ASAH1: variants seen among roughly 807,000 people sequenced by gnomAD.
ASAH1 encodes the protein acid ceramidase.
ASAH1 carries 70 observed loss-of-function variants against 59.5 expected under a neutral mutation model. The ratio of observed to expected loss-of-function variants is 1.18; its 90% CI spans 0.97 to 1.43. ASAH1 has a LOEUF of 1.43. Ranked by LOEUF, ASAH1 falls within the 40% of genes most tolerant of loss-of-function variation. ASAH1 has a pLI of 0.00. For missense variants in ASAH1, 660 were observed against 482.5 expected (o/e 1.37, Z -3.45); for synonymous variants, 213 against 166.5 (o/e 1.28, Z -2.15).
At chr8:18,061,510 C>T in intron 9 of ASAH1, 52 bp from the exon 10 acceptor site, 2 of 1,509,568 alleles carry the variant, frequency 1.3e-6, no homozygotes, top group South Asian at 2.3e-5. Flanking sequence ...CACTATGTAA[C>T]CAGTCAGGAC....
intron 5 of ASAH1, chr8:18,065,308 A>T (rs947342727): frequency 2.6e-5 from 4 of 152,146 alleles, no homozygotes; most frequent in Non-Finnish European, 5.9e-5. Context: ...TTTACATAAT[A>T]AAGGAATTAG....
Position 18,058,869 on chromosome 8 carries a change from T to C in ASAH1, c.1064A>G (p.Tyr355Cys), listed in dbSNP as rs1799574144. Residue 355 changes from tyrosine to cysteine, a missense_variant, in exon 13 of 14, where the codon TAT becomes TGT. Transcript: ENST00000637790. ...SQENISFETMYDVLSTKPVLN... is the reference protein window; with the variant it reads ...SQENISFETMCDVLSTKPVLN... ...GACAGGTTTTGTTGACAGGACATCA[T>C]ACATGGTTTCAAATGAGATATTCTA... The C allele has an allele frequency of 6.2e-7, 1 of 1,612,714 alleles. No individual in the cohort carries two copies. Among genetic ancestry groups the C allele is most frequent in the Non-Finnish European group, 8.5e-7 (1 of 1,178,690 alleles).
rs1009154581 is a variant in ASAH1 at position 18,063,222 on chromosome 8, T to C, written c.466A>G (p.Ile156Val). The C allele has an allele frequency of 1.9e-6, 3 of 1,613,608 alleles. No individual in the cohort carries two copies. The Admixed American group carries it at 5.0e-5, about 27-fold the overall frequency. The change falls in exon 7 of 14, where the codon ATA (isoleucine) becomes GTA (valine). Residue 156 changes from isoleucine (I) to valine (V), a missense_variant. Transcript: ENST00000637790. Reference protein sequence around the residue: ...IVAEDKKGHLIHGRNMDFGVF... With the variant: ...IVAEDKKGHLVHGRNMDFGVF... ...CCAAAATCCATGTTTCTCCCATGTA[T>C]TAGATGACCTATTTGAAGGTAGACA...
chr8:18,071,932 C>A (rs929917327), intron 2 of ASAH1, among the ~76,000 whole-genome samples: 1 of 152,198 alleles, frequency 6.6e-6, no homozygotes, highest in Non-Finnish European at 1.5e-5. Flanking sequence ...CCATCCTAAT[C>A]TTCCCTACTA....
intron 1 of ASAH1, among the ~76,000 whole-genome samples, chr8:18,080,411 T>C (rs1800603393): frequency 6.6e-6 from 1 of 152,172 alleles, no homozygotes; most frequent in African/African-American, 2.4e-5. Context: ...CGCAAGCTGT[T>C]TTCTGCCCCC....
chr8:18,075,658 T>C, intron 1 of ASAH1, 71 bp from the exon 2 acceptor site: 8 of 1,425,938 alleles, frequency 5.6e-6, no homozygotes, highest in African/African-American at 2.8e-5. Flanking sequence ...ATTTCAAAAG[T>C]AGTTAATCTG....
At chr8:18,062,545 C>G (rs1310016642) in intron 7 of ASAH1, 122 bp from the exon 8 acceptor site, 5 of 1,104,368 alleles carry the variant, frequency 4.5e-6, no homozygotes, top group Admixed American at 3.6e-5. Context: ...TCAATCCTAA[C>G]AAGACCTTTA....
At chr8:18,067,116 A>ATCTAAGACATACAGCACCTGTGCTGTATT in intron 5 of ASAH1, 104 bp downstream of exon 5, 2 of 519,382 alleles carry the variant, frequency 3.9e-6, no homozygotes, top group Non-Finnish European at 5.3e-6. Context: ...TGTGCTGTAT[A>ATCTAAGACATACAGCACCTGTGCTGTATT]TCTAAGACAT....
chr8:18,084,243 C>G (rs1800796499), upstream of ASAH1: 18 of 1,466,772 alleles, frequency 1.2e-5, no homozygotes, highest in Non-Finnish European at 1.6e-5. Context: ...TTCAGTGCCA[C>G]GAAAAGGGTG....
At position 18,063,418 on chromosome 8, in the gene ASAH1, C is replaced by G. The variant is rs1192824831; in HGVS notation, c.458-188G>C. 4 of 616,984 alleles carry G rather than the reference C, an allele frequency of 6.5e-6. No homozygotes were observed. In the African/African-American group the frequency reaches 7.4e-5, roughly 11 times the overall value. The allele number at this position is 616,984 out of a possible 1,614,324, so 38.2% of individuals were successfully genotyped here. ...TCCCAGGTTCAAGCAATTCTTGTGC[C>G]TCAGCCTTCCACGTAGTTGGGATTA... On this transcript the variant is annotated intron_variant, in intron 6 of 13. Transcript: ENST00000637790.
At chr8:18,063,485 T>TTTG (rs1554809052) in intron 6 of ASAH1, 604 of 385,228 alleles carry the variant, frequency 1.6e-3, no homozygotes, top group South Asian at 3.4e-3. Context: ...TTTTTTTTTT[T>TTTG]GTATTTTTCT....
intron 4 of ASAH1, chr8:18,067,894 G>C (rs942471305): frequency 2.6e-5 from 4 of 152,162 alleles, no homozygotes; most frequent in African/African-American, 9.7e-5. Flanking sequence ...CTAACATCCA[G>C]ATCACAACTT....
Position 18,057,591 on chromosome 8 carries a change from G to A in ASAH1, c.1131C>T (p.Thr377=). The change falls in exon 14 of 14, where the codon ACC becomes ACT. Residue 377 remains threonine, a synonymous_variant. Transcript: ENST00000637790. Reference sequence around the variant, plus strand: ...GCAGGTAAGTTTCGAATTGACCTTTGGTAACATCTATCAAGGTTGTGTATA... The same window carrying A: ...GCAGGTAAGTTTCGAATTGACCTTTAGTAACATCTATCAAGGTTGTGTATA... ...LTVYTTLIDV[T]KGQFETYLRD... is the part of the protein sequence containing the mutation. 1 of 1,604,122 alleles carries A rather than the reference G, an allele frequency of 6.2e-7. No homozygotes were observed. Among genetic ancestry groups the A allele is most frequent in the Non-Finnish European group, 8.5e-7 (1 of 1,173,586 alleles).
chr8:18,062,397 A>G lies in ASAH1; in HGVS notation c.530T>C (p.Val177Ala). 1 of 1,614,154 alleles carries G rather than the reference A, an allele frequency of 6.2e-7. No individual in the cohort carries two copies. Among genetic ancestry groups the G allele is most frequent in the East Asian group, 2.2e-5 (1 of 44,878 alleles). Reference sequence around the variant, plus strand: ...TAAAGGTTTTAGTTGCTCAGTTATGACCCAGGTATCATTATTTATGTTCCA... The same window carrying G: ...TAAAGGTTTTAGTTGCTCAGTTATGGCCCAGGTATCATTATTTATGTTCCA... ...LGWNINNDTW[V>A]ITEQLKPLTV... The change falls in exon 8 of 14, where the codon GTC becomes GCC. Residue 177 changes from valine to alanine, a missense_variant. Transcript: ENST00000637790.
rs761289292 is a variant in ASAH1, at chr8:18,059,339, A to T, written c.1041+2T>A. 1.2e-6 allele frequency: 2 copies of T among 1,614,214 alleles called. No individual in the cohort carries two copies. The highest frequency in any genetic ancestry group is 1.7e-6 in the Non-Finnish European group (2 of 1,180,040). On this transcript the variant is annotated splice_donor_variant, in intron 12 of 13. Transcript: ENST00000637790. LOFTEE classifies it high-confidence loss of function. ...TTTCTATAGATGACCCTGCAAAGGT[A>T]CCTCTTGGCTGGTGCGGTTCAGACA...
chr8:18,071,267 A>G lies in ASAH1; in HGVS notation c.216+33T>C, dbSNP rs766631165. ...AAGAAATAAAATAAAAAATAAAAAT[A>G]AAGAAATAAAAGATTTAAGCATCAT... On this transcript the variant is annotated intron_variant, in intron 3 of 13. Transcript: ENST00000637790. The G allele has an allele frequency of 4.6e-6, 5 of 1,098,406 alleles. 1 individual carries two copies. The allele number at this position is 1,098,406 out of a possible 1,614,324, so 68.0% of individuals were successfully genotyped here. A position where few individuals can be genotyped will look rare whatever the true frequency, so the allele number is the denominator to read the frequency against.
chr8:18,056,037 A>T lies in ASAH1; in HGVS notation c.*1497T>A, dbSNP rs566385183. On this transcript the variant is annotated 3_prime_UTR_variant, in exon 14 of 14. Coordinates refer to ENST00000637790, the MANE Select transcript of ASAH1 (RefSeq NM_177924.5). Reference sequence around the variant, plus strand: ...TATCAGGCATATCAAAGGTTATTACATTAACAAAAAAATACATCAAGTTGA... The same window carrying T: ...TATCAGGCATATCAAAGGTTATTACTTTAACAAAAAAATACATCAAGTTGA... The T allele has an allele frequency of 2.0e-5, 3 of 152,228 alleles. No homozygotes were observed. The highest frequency in any genetic ancestry group is 4.4e-5 in the Non-Finnish European group (3 of 68,026). 9.4% of individuals were successfully genotyped at this position (152,228 alleles called of 1,614,324 possible).
intron 5 of ASAH1, chr8:18,066,573 C>T (rs781454409): frequency 6.6e-6 from 1 of 151,864 alleles, no homozygotes; most frequent in Non-Finnish European, 1.5e-5. Context: ...AAAAGACTGA[C>T]ACTATCGAGA....
chr8:18,082,620 G>C (rs1800699496), intron 1 of ASAH1: 1 of 152,144 alleles, frequency 6.6e-6, no homozygotes, highest in Non-Finnish European at 1.5e-5. Flanking sequence ...CCTTCTAACA[G>C]CATTCTATCT....
Sources: gnomAD v4.1 joint callset for allele counts (sites outside exome capture counted in the v4.1 genomes callset) on GRCh38, gnomAD v4.1.1 for gene constraint, MANE v1.5 for transcripts, NCBI Gene and HGNC (gene_info 2026-07-23, HGNC 2026-07-21) for gene names.